PRPF4: variants seen among roughly 807,000 people sequenced by gnomAD.
PRPF4 encodes the protein pre-mRNA splicing tri-snRNP complex factor PRPF4, also known as U4/U6 small nuclear ribonucleoprotein Prp4.
PRPF4 carries 14 observed loss-of-function variants against 72.2 expected under a neutral mutation model. The observed-to-expected ratio is 0.19, with a 90% CI of 0.13 to 0.30. The LOEUF is 0.30. Ranked by LOEUF, PRPF4 falls within the 10% of genes least tolerant of loss-of-function variation. The pLI is 1.00. For missense variants in PRPF4, 478 were observed against 653.9 expected, an observed-to-expected ratio of 0.73 and a Z score of 2.93; for synonymous variants, 225 against 232.2, an observed-to-expected ratio of 0.97 and a Z score of 0.28.
chr9:113,290,863 C>G (rs747806575), intron 12 of PRPF4, 35 bp from the exon 13 acceptor site: 22 of 1,612,194 alleles, frequency 1.4e-5, no homozygotes, highest in Non-Finnish European at 1.9e-5. Context: ...AGTAAGTACT[C>G]TATTTCTAAC....
At chr9:113,285,864 CA>C (rs201598766) in intron 7 of PRPF4, among the ~76,000 whole-genome samples, 81 of 148,084 alleles carry the variant, frequency 5.5e-4, no homozygotes, top group Non-Finnish European at 9.9e-4. Flanking sequence ...CACTGTTTCT[CA>C]AAAAAAAAAT....
intron 9 of PRPF4, 135 bp from the exon 10 acceptor site, chr9:113,288,040 C>T (rs1832500745): frequency 1.4e-6 from 1 of 734,154 alleles, no homozygotes; most frequent in African/African-American, 1.8e-5. Flanking sequence ...GCTTATTGGG[C>T]CAAAGTAGTT....
intron 7 of PRPF4, among the ~76,000 whole-genome samples, chr9:113,285,591 G>A (rs563322860): frequency 9.9e-5 from 15 of 151,428 alleles, no homozygotes; most frequent in Non-Finnish European, 1.8e-4. Context: ...TGTTAGCCAG[G>A]ATGGGCTCGA....
chr9:113,291,321 C>A, intron 13 of PRPF4, 146 bp from the exon 14 acceptor site: 1 of 800,932 alleles, frequency 1.2e-6, no homozygotes, highest in Non-Finnish European at 1.9e-6. Flanking sequence ...AGGGAATGAG[C>A]CAAAAGACCT....
intron 10 of PRPF4, among the ~76,000 whole-genome samples, chr9:113,288,528 C>T (rs916226227): frequency 6.6e-6 from 1 of 151,910 alleles, no homozygotes; most frequent in African/African-American, 2.4e-5. Flanking sequence ...CCGCCGTCTC[C>T]CGGGTTCAAG....
rs1832634951 is a variant in PRPF4 at position 113,292,430 on chromosome 9, T to A, written c.*770T>A. ...CACCACTCATTGGTTAAACAATGCA[T>A]CATAGCGAGCACTTTTCCTTTCCCT... On this transcript the variant is annotated 3_prime_UTR_variant, in exon 14 of 14. Transcript: ENST00000374198. 2 of 152,122 alleles carry A rather than the reference T, an allele frequency of 1.3e-5. No homozygotes were observed. Among genetic ancestry groups the A allele is most frequent in the Admixed American group, 1.3e-4 (2 of 15,262 alleles). The allele number at this position is 152,122 out of a possible 1,614,324, so 9.4% of individuals were successfully genotyped here.
At chr9:113,284,232 G>A (rs541081148) in intron 6 of PRPF4, 63 bp from the exon 7 acceptor site, 7 of 1,259,458 alleles carry the variant, frequency 5.6e-6, no homozygotes, top group African/African-American at 1.5e-5. Context: ...TGGTGGAAAA[G>A]CAAAGGAGCT....
chr9:113,291,462 T>C lies in PRPF4; in HGVS notation c.1373-5T>C, dbSNP rs1160585020. ...TCAAGCAATTCCCCTTCTCTTCTCC[T>C]GTAGCTATCCATGGGAACTTCTTGC... is the stretch of plus-strand genomic sequence containing the variant. On this transcript the variant is annotated splice_polypyrimidine_tract_variant and splice_region_variant and intron_variant, in intron 13 of 13. Coordinates refer to ENST00000374198, the MANE Select transcript of PRPF4 (RefSeq NM_001244926.2). The C allele has an allele frequency of 6.2e-7, 1 of 1,609,666 alleles. No homozygotes were observed. The highest frequency in any genetic ancestry group is 1.7e-5 in the Admixed American group (1 of 59,952).
chr9:113,278,878 A>G (rs1429884979), intron 2 of PRPF4, 67 bp from the exon 3 acceptor site: 8 of 1,517,766 alleles, frequency 5.3e-6, no homozygotes, highest in Non-Finnish European at 7.3e-6. Flanking sequence ...ACAGACTGCA[A>G]TTACTAGAAA....
intron 5 of PRPF4, 21 bp downstream of exon 5, chr9:113,283,232 A>T: frequency 6.2e-7 from 1 of 1,614,166 alleles, no homozygotes; most frequent in Non-Finnish European, 8.5e-7. Context: ...CCTCCAGTAG[A>T]AGAAAGAAGC....
Position 113,276,563 on chromosome 9 carries a change from G to A in PRPF4, c.43G>A (p.Ala15Thr). Residue 15 changes from alanine to threonine, a missense_variant, in exon 2 of 14, where the codon GCA (alanine) becomes ACA (threonine). Ala to Thr is a moderately conservative substitution (Grantham distance 58). Coordinates refer to ENST00000374198, the MANE Select transcript of PRPF4 (RefSeq NM_001244926.2). The stretch of plus-strand genomic sequence containing the variant: ...GATTTAGCAGGCAACCAAAACTAAA[G>A]CACCCGACGACTTAGTTGCTCCGGT... ...RASSTATKTK[A>T]PDDLVAPVVK... 6.2e-7 allele frequency: 1 copy of A among 1,614,168 alleles called. No homozygotes were observed. The highest frequency in any genetic ancestry group is 8.5e-7 in the Non-Finnish European group (1 of 1,180,028).
intron 7 of PRPF4, 110 bp downstream of exon 7, chr9:113,284,499 A>G: frequency 1.1e-6 from 1 of 887,514 alleles, no homozygotes; most frequent in Non-Finnish European, 1.8e-6. Context: ...TCTGCTTCTC[A>G]TGATCACACC....
At position 113,275,666 on chromosome 9, in the gene PRPF4, C is replaced by T. The variant is rs1001399155; in HGVS notation, c.-78C>T. The stretch of plus-strand genomic sequence containing the variant: ...CACTTCCTGTCAGTGACGCACTTCC[C>T]CTCTGCTGGGCGCGCGGTGGACGGT... On this transcript the variant is annotated 5_prime_UTR_variant, in exon 1 of 14. Coordinates refer to ENST00000374198, the MANE Select transcript of PRPF4 (RefSeq NM_001244926.2). 15 of 1,534,870 alleles carry T rather than the reference C, an allele frequency of 9.8e-6. No homozygotes were observed. The South Asian group carries it at 1.2e-4, about 12-fold the overall frequency.
At chr9:113,282,611 G>A in intron 3 of PRPF4, 35 bp from the exon 4 acceptor site, 1 of 1,459,440 alleles carries the variant, frequency 6.9e-7, no homozygotes, top group Non-Finnish European at 9.4e-7. Flanking sequence ...TCTCAACCAT[G>A]TTTAAATTCT....
chr9:113,282,557 C>G (rs1010466415), intron 3 of PRPF4, 89 bp from the exon 4 acceptor site: 88 of 971,260 alleles, frequency 9.1e-5, no homozygotes, highest in Non-Finnish European at 1.3e-4. Context: ...ACTTTAATAA[C>G]AGTGTTTAAA....
intron 2 of PRPF4, 140 bp downstream of exon 2, chr9:113,276,865 A>G (rs950189916): frequency 5.8e-5 from 56 of 973,030 alleles, no homozygotes; most frequent in Non-Finnish European, 8.0e-5. Flanking sequence ...GCCAGGCTGG[A>G]GTGCAGTGGT....
At chr9:113,290,420 C>T (rs989947566) in intron 10 of PRPF4, 46 bp from the exon 11 acceptor site, 3 of 1,612,790 alleles carry the variant, frequency 1.9e-6, no homozygotes, top group Non-Finnish European at 2.5e-6. Context: ...GTTGTAGAAA[C>T]TGAATAAATA....
intron 2 of PRPF4, among the ~76,000 whole-genome samples, chr9:113,276,940 G>A (rs183947842): frequency 1.3e-5 from 2 of 151,788 alleles, no homozygotes; most frequent in Admixed American, 6.6e-5. Flanking sequence ...TCAGCCTCCC[G>A]AGTAGCTGGG....
At chr9:113,280,872 G>A (rs1033767311) in intron 3 of PRPF4, among the ~76,000 whole-genome samples, 6 of 150,978 alleles carry the variant, frequency 4.0e-5, no homozygotes, top group South Asian at 2.1e-4. Flanking sequence ...ACGGAGTCTC[G>A]CTCTGTCACC....
Sources: allele counts gnomAD v4.1 joint callset (sites outside exome capture counted in the v4.1 genomes callset), GRCh38; gene constraint gnomAD v4.1.1; transcripts MANE v1.5; gene names NCBI Gene and HGNC (gene_info 2026-07-23, HGNC 2026-07-21).